PRMT5: variants seen among roughly 807,000 people sequenced by gnomAD.
PRMT5 encodes the protein protein arginine N-methyltransferase 5.
PRMT5 carries 15 observed loss-of-function variants against 84.0 expected under a neutral mutation model. That is an observed-to-expected ratio of 0.18 (90% CI 0.12 to 0.28). The LOEUF (loss-of-function observed/expected upper bound fraction) is 0.28. Ranked by LOEUF, PRMT5 falls within the 10% of genes least tolerant of loss-of-function variation. The probability of loss-of-function intolerance (pLI) is 1.00; values close to 1 mark genes in which losing one functional copy is unlikely to be tolerated. For missense variants in PRMT5, 486 were observed against 808.0 expected (o/e 0.60, Z 4.83); for synonymous variants, 276 against 292.4 (o/e 0.94, Z 0.57).
rs1566632164 is a variant in PRMT5, at chr14:22,923,900, T to A, written c.1375+108A>T. On this transcript the variant is annotated intron_variant, in intron 12 of 16. Coordinates refer to ENST00000324366, the MANE Select transcript of PRMT5 (RefSeq NM_006109.5). The surrounding 1 kb of genome is among the most constrained non-coding windows in gnomAD (Gnocchi z 5.2). Reference sequence around the variant, plus strand: ...AGTGAAGCAGTGGCTCTCAAACTCATATGATGTGACCCAGGTCCAACCCAC... The same window carrying A: ...AGTGAAGCAGTGGCTCTCAAACTCAAATGATGTGACCCAGGTCCAACCCAC... 2.4e-6 allele frequency: 3 copies of A among 1,260,074 alleles called. No individual in the cohort carries two copies. The highest frequency in any genetic ancestry group is 1.5e-5 in the African/African-American group (1 of 66,658). The allele number at this position is 1,260,074 out of a possible 1,614,324, so 78.1% of individuals were successfully genotyped here.
In PRMT5 at chr14:22,920,584, CAA is replaced by C. The variant is rs2044245657; in HGVS notation, c.*318_*319del. ...TTCCTCTTACACAAAACCATCAAAACAAGAACAGAAAAAGGCTGAAAATCCGT... is the reference window on the plus strand; with the variant it reads ...TTCCTCTTACACAAAACCATCAAAACGAACAGAAAAAGGCTGAAAATCCGT... On this transcript the variant is annotated 3_prime_UTR_variant, in exon 17 of 17. Transcript: ENST00000324366. 1.8e-6 allele frequency: 1 copy of C among 546,818 alleles called. No individual in the cohort carries two copies. 33.9% of individuals were successfully genotyped at this position (546,818 alleles called of 1,614,324 possible).
rs748254627 is a variant in PRMT5 at position 22,929,242 on chromosome 14, C to T, written c.110+10G>A. ...ACCCCGCATTCCGCTCGTGGAGGTC[C>T]GGCCCTCACCCCTGCTTGGCCACAG... is the stretch of plus-strand genomic sequence containing the variant. On this transcript the variant is annotated intron_variant, in intron 1 of 16. Coordinates refer to ENST00000324366, the MANE Select transcript of PRMT5 (RefSeq NM_006109.5). 1.2e-6 allele frequency: 2 copies of T among 1,614,044 alleles called. No individual in the cohort carries two copies. The highest frequency in any genetic ancestry group is 3.3e-5 in the Admixed American group (2 of 60,012).
Position 22,928,010 on chromosome 14 carries a change from A to G in PRMT5, c.315+116T>C. Reference sequence around the variant, plus strand: ...AGGTGTGCACCACAGCACCCAGCCTAATAGCTTTAATTTCATTCTATCAGT... The same window carrying G: ...AGGTGTGCACCACAGCACCCAGCCTGATAGCTTTAATTTCATTCTATCAGT... On this transcript the variant is annotated intron_variant, in intron 3 of 16. Transcript: ENST00000324366. The surrounding 1 kb of genome is among the most constrained non-coding windows in gnomAD (Gnocchi z 4.8). The G allele has an allele frequency of 4.3e-6, 4 of 940,660 alleles. No homozygotes were observed. Among genetic ancestry groups the G allele is most frequent in the Non-Finnish European group, 6.5e-6 (4 of 616,090 alleles). The allele number at this position is 940,660 out of a possible 1,614,324, so 58.3% of individuals were successfully genotyped here.
chr14:22,923,258 C>T lies in PRMT5; in HGVS notation c.1376-98G>A. 1.1e-6 allele frequency: 1 copy of T among 871,704 alleles called. No homozygotes were observed. The highest frequency in any genetic ancestry group is 1.7e-6 in the Non-Finnish European group (1 of 575,524). The allele number at this position is 871,704 out of a possible 1,614,324, so 54.0% of individuals were successfully genotyped here. A position where few individuals can be genotyped will look rare whatever the true frequency, so the allele number is the denominator to read the frequency against. ...AGGATCAAACCTCCCATGTCAAAAC[C>T]AACCAACGTTGGCATGGGCATGGAA... is the stretch of plus-strand genomic sequence containing the variant. On this transcript the variant is annotated intron_variant, in intron 12 of 16. Transcript: ENST00000324366. This position sits in a 1 kb window ranked among gnomAD's most constrained non-coding sequence, Gnocchi z 5.2.
Position 22,928,256 on chromosome 14 carries a change from G to A in PRMT5, c.230-45C>T. ...AAAGACAAATACTGAATAAGGTTCA[G>A]CACTTTACTTGTTCAATTTTTAGTT... is the stretch of plus-strand genomic sequence containing the variant. On this transcript the variant is annotated intron_variant, in intron 2 of 16. Transcript: ENST00000324366. The surrounding 1 kb of genome is among the most constrained non-coding windows in gnomAD (Gnocchi z 4.8). 3.8e-6 allele frequency: 6 copies of A among 1,579,008 alleles called. No individual in the cohort carries two copies. The highest frequency in any genetic ancestry group is 5.2e-6 in the Non-Finnish European group (6 of 1,154,706).
At position 22,923,577 on chromosome 14, in the gene PRMT5, A is replaced by G. The variant is rs146880876; in HGVS notation, c.1376-417T>C. 3.4e-3 allele frequency among the ~76,000 whole-genome samples: 517 copies of G among 152,088 alleles called. No individual in the cohort carries two copies. Among genetic ancestry groups the G allele is most frequent in the African/African-American group, 0.011 (460 of 41,466 alleles). On this transcript the variant is annotated intron_variant, in intron 12 of 16. Coordinates refer to ENST00000324366, the MANE Select transcript of PRMT5 (RefSeq NM_006109.5). This position sits in a 1 kb window ranked among gnomAD's most constrained non-coding sequence, Gnocchi z 5.2. ...TGCCCAGGCTGGAGTGCAGTGGCACAATCTCAGCTCACTGCAACCTTCTCC... is the reference window on the plus strand; with the variant it reads ...TGCCCAGGCTGGAGTGCAGTGGCACGATCTCAGCTCACTGCAACCTTCTCC...
At position 22,923,023 on chromosome 14, in the gene PRMT5, CTTCT is replaced by C; in HGVS notation, c.1485+24_1485+27del. 6.4e-7 allele frequency: 1 copy of C among 1,551,106 alleles called. No homozygotes were observed. Among genetic ancestry groups the C allele is most frequent in the South Asian group, 1.1e-5 (1 of 88,500 alleles). The stretch of plus-strand genomic sequence containing the variant: ...AAAAGAAGAGGACTAAAGAGTACCA[CTTCT>C]TTCCAGAGAGAGTGGTTCTTTACCT... On this transcript the variant is annotated intron_variant, in intron 13 of 16. Transcript: ENST00000324366. The surrounding 1 kb of genome is among the most constrained non-coding windows in gnomAD (Gnocchi z 5.2).
Position 22,928,716 on chromosome 14 carries a change from C to T in PRMT5, c.111-101G>A, listed in dbSNP as rs2044479960. On this transcript the variant is annotated intron_variant, in intron 1 of 16. Coordinates refer to ENST00000324366, the MANE Select transcript of PRMT5 (RefSeq NM_006109.5). The surrounding 1 kb of genome is among the most constrained non-coding windows in gnomAD (Gnocchi z 4.8). ...TCTTGATTTTGCACAGCCCTTTCAG[C>T]TGCCATCAGTTCAGCCTACTAGGCT... 1.0e-6 allele frequency: 1 copy of T among 953,160 alleles called. No homozygotes were observed. Among genetic ancestry groups the T allele is most frequent in the Non-Finnish European group, 1.7e-6 (1 of 585,464 alleles). The allele number at this position is 953,160 out of a possible 1,614,324, so 59.0% of individuals were successfully genotyped here. A position where few individuals can be genotyped will look rare whatever the true frequency, so the allele number is the denominator to read the frequency against.
At position 22,928,177 on chromosome 14, in the gene PRMT5, T is replaced by A. The variant is rs750343741; in HGVS notation, c.264A>T (p.Pro88=). 1.2e-6 allele frequency: 2 copies of A among 1,614,168 alleles called. No individual in the cohort carries two copies. The highest frequency in any genetic ancestry group is 2.2e-5 in the South Asian group (2 of 91,088). ...CCACTTTTGAGTCTGGACGAATCCA[T>A]GGAGAAAGCTTTCCCACAATTAGCG... ...WNTLIVGKLS[P]WIRPDSKVEK... is the part of the protein sequence containing the mutation. Residue 88 remains proline (P), a synonymous_variant, in exon 3 of 17, where the codon CCA becomes CCT. Coordinates refer to ENST00000324366, the MANE Select transcript of PRMT5 (RefSeq NM_006109.5). This position sits in a 1 kb window ranked among gnomAD's most constrained non-coding sequence, Gnocchi z 4.8.
chr14:22,928,781 T>C lies in PRMT5; in HGVS notation c.111-166A>G, dbSNP rs541852271. ...ACCTTGGGGGATATCAACTCTGCTG[T>C]ACTGTGCCTCAATTTCTCCCTAAAA... On this transcript the variant is annotated intron_variant, in intron 1 of 16. Transcript: ENST00000324366. The surrounding 1 kb of genome is among the most constrained non-coding windows in gnomAD (Gnocchi z 4.8). Among the ~76,000 whole-genome samples the C allele has an allele frequency of 2.6e-5, 4 of 152,294 alleles. No individual in the cohort carries two copies. The highest frequency in any genetic ancestry group is 1.9e-4 in the East Asian group (1 of 5,192).
At position 22,922,633 on chromosome 14, in the gene PRMT5, C is replaced by T. The variant is rs1032241995; in HGVS notation, c.1580-74G>A. 3 of 1,519,972 alleles carry T rather than the reference C, an allele frequency of 2.0e-6. No homozygotes were observed. In the Admixed American group the frequency reaches 5.0e-5, roughly 25 times the overall value. 94.2% of individuals were successfully genotyped at this position (1,519,972 alleles called of 1,614,324 possible). On this transcript the variant is annotated intron_variant, in intron 14 of 16. Coordinates refer to ENST00000324366, the MANE Select transcript of PRMT5 (RefSeq NM_006109.5). ...AACTTGATAAAGCATGAGCAAGACC[C>T]AGGAAAGGAAGAGTAGATAAGGCAG...
chr14:22,926,056 A>G lies in PRMT5; in HGVS notation c.777+77T>C, dbSNP rs1365948180. ...ACCAAAGAAAAAGAGTCAGCCTCAC[A>G]GGAAAAAACGATCATACACAGGTAA... On this transcript the variant is annotated intron_variant, in intron 7 of 16. Transcript: ENST00000324366. 4.3e-6 allele frequency: 6 copies of G among 1,397,280 alleles called. No homozygotes were observed. The East Asian group carries it at 1.2e-4, about 27-fold the overall frequency. The allele number at this position is 1,397,280 out of a possible 1,614,324, so 86.6% of individuals were successfully genotyped here.
Position 22,928,242 on chromosome 14 carries a change from C to T in PRMT5, c.230-31G>A, listed in dbSNP as rs1161768699. ...CTCCCCCACCCAAGAAAGACAAATA[C>T]TGAATAAGGTTCAGCACTTTACTTG... On this transcript the variant is annotated intron_variant, in intron 2 of 16. Transcript: ENST00000324366. This position sits in a 1 kb window ranked among gnomAD's most constrained non-coding sequence, Gnocchi z 4.8. 6.2e-7 allele frequency: 1 copy of T among 1,602,580 alleles called. No individual in the cohort carries two copies. The highest frequency in any genetic ancestry group is 8.5e-7 in the Non-Finnish European group (1 of 1,170,116).
Position 22,928,925 on chromosome 14 carries a change from C to T in PRMT5, c.111-310G>A. 1 of 610,412 alleles carries T rather than the reference C, an allele frequency of 1.6e-6. No individual in the cohort carries two copies. Among genetic ancestry groups the T allele is most frequent in the Non-Finnish European group, 2.9e-6 (1 of 347,860 alleles). The allele number at this position is 610,412 out of a possible 1,614,324, so 37.8% of individuals were successfully genotyped here. A position where few individuals can be genotyped will look rare whatever the true frequency, so the allele number is the denominator to read the frequency against. ...CACATCCAGATTTGCCCCAGTTCTGCCCATGCCTCCCCCGTCAAAATTAGC... is the reference window on the plus strand; with the variant it reads ...CACATCCAGATTTGCCCCAGTTCTGTCCATGCCTCCCCCGTCAAAATTAGC... On this transcript the variant is annotated intron_variant, in intron 1 of 16. Transcript: ENST00000324366. This position sits in a 1 kb window ranked among gnomAD's most constrained non-coding sequence, Gnocchi z 4.8.
rs772180370 is a variant in PRMT5, at chr14:22,929,258, T to C, written c.104A>G (p.Lys35Arg). 6.2e-7 allele frequency: 1 copy of C among 1,614,146 alleles called. No homozygotes were observed. Among genetic ancestry groups the C allele is most frequent in the Non-Finnish European group, 8.5e-7 (1 of 1,180,016 alleles). The stretch of plus-strand genomic sequence containing the variant: ...GTGGAGGTCCGGCCCTCACCCCTGC[T>C]TGGCCACAGCCCCTAGTGTGTCAGC... ...EIADTLGAVA[K>R]QGFDFLCMPV... Residue 35 changes from lysine to arginine, a missense_variant, in exon 1 of 17, where the codon AAG becomes AGG. Around this residue, in one of 4 missense-constraint regions of PRMT5, gnomAD observed 51 missense variants for 53.8 expected, o/e 0.95. Coordinates refer to ENST00000324366, the MANE Select transcript of PRMT5 (RefSeq NM_006109.5).
intron 7 of PRMT5, 63 bp from the exon 8 acceptor site, chr14:22,925,103 T>A: frequency 6.4e-7 from 1 of 1,560,226 alleles, no homozygotes; most frequent in Non-Finnish European, 8.7e-7. Context: ...TATTATGGTA[T>A]ATGGCCAAAG....
chr14:22,927,466 G>C, intron 4 of PRMT5, 60 bp downstream of exon 4: 1 of 1,599,200 alleles, frequency 6.3e-7, no homozygotes, highest in South Asian at 1.1e-5. Flanking sequence ...GGCACAAGAA[G>C]GTACTTAGCA....
chr14:22,920,633 A>G lies in PRMT5; in HGVS notation c.*271T>C. On this transcript the variant is annotated 3_prime_UTR_variant, in exon 17 of 17. Transcript: ENST00000324366. ...CCGTTCAAACCCCATGTTCTCAGGG[A>G]TATTCCAGGGAGTTCTTGAGGCTGA... 1 of 668,732 alleles carries G rather than the reference A, an allele frequency of 1.5e-6. No homozygotes were observed. The highest frequency in any genetic ancestry group is 3.1e-5 in the East Asian group (1 of 32,478). The allele number at this position is 668,732 out of a possible 1,614,324, so 41.4% of individuals were successfully genotyped here. A position where few individuals can be genotyped will look rare whatever the true frequency, so the allele number is the denominator to read the frequency against.
rs1287082776 is a variant in PRMT5, at chr14:22,924,342, A to C, written c.1127T>G (p.Leu376Arg). 6.2e-7 allele frequency: 1 copy of C among 1,613,998 alleles called. No individual in the cohort carries two copies. The highest frequency in any genetic ancestry group is 8.5e-7 in the Non-Finnish European group (1 of 1,180,036). Reference sequence around the variant, plus strand: ...CCGGTCGGCCTGCTTGGCTGCCCGCAGGGAAGCGTTCACCAGGGGTCCCCG... The same window carrying C: ...CCGGTCGGCCTGCTTGGCTGCCCGCCGGGAAGCGTTCACCAGGGGTCCCCG... ...AGRGPLVNAS[L>R]RAAKQADRRI... The change falls in exon 11 of 17, where the codon CTG becomes CGG. Residue 376 changes from leucine to arginine, a missense_variant. Around this residue, in one of 4 missense-constraint regions of PRMT5, gnomAD observed 219 missense variants for 433.6 expected, o/e 0.51. Coordinates refer to ENST00000324366, the MANE Select transcript of PRMT5 (RefSeq NM_006109.5). The surrounding 1 kb of genome is among the most constrained non-coding windows in gnomAD (Gnocchi z 6.5).
Sources: gnomAD v4.1 joint callset for allele counts (sites outside exome capture counted in the v4.1 genomes callset) on GRCh38, gnomAD v4.1.1 for gene constraint, gnomAD v4.1.1 regional missense constraint, Gnocchi (gnomAD v3.1) non-coding constraint, MANE v1.5 for transcripts, NCBI Gene and HGNC (gene_info 2026-07-23, HGNC 2026-07-21) for gene names.